ENTR1: variants seen among roughly 807,000 people sequenced by gnomAD.
ENTR1 encodes the protein endosome-associated-trafficking regulator 1.
Under a neutral mutation model 47.9 loss-of-function variants are expected in ENTR1, and 47 were observed. The ratio of observed to expected loss-of-function variants is 0.98; its 90% CI spans 0.78 to 1.25. The LOEUF is 1.25. Among genes scored for constraint, ENTR1 ranks in the 50% most tolerant of loss-of-function variants. The probability of loss-of-function intolerance (pLI) is 0.00; values close to 1 mark genes in which losing one functional copy is unlikely to be tolerated. For missense variants in ENTR1, 668 were observed against 570.5 expected, an observed-to-expected ratio of 1.17 and a Z score of -1.74; for synonymous variants, 290 against 245.8, an observed-to-expected ratio of 1.18 and a Z score of -1.68.
Position 136,405,186 on chromosome 9 carries a change from G to T in ENTR1, c.910C>A (p.Arg304=), listed in dbSNP as rs200655256. ...AQTEMVRTLE[R]KLEAKMIKEE... is the part of the protein sequence containing the mutation. Reference sequence around the variant, plus strand: ...TTGATCATTTTTGCTTCTAACTTCCGCTCAAGCGTCCTCACCCTTGTTAAA... The same window carrying T: ...TTGATCATTTTTGCTTCTAACTTCCTCTCAAGCGTCCTCACCCTTGTTAAA... Residue 304 remains arginine (R), a synonymous_variant, in exon 7 of 10, where the codon CGG becomes AGG. Transcript: ENST00000357365. 1 of 1,613,650 alleles carries T rather than the reference G, an allele frequency of 6.2e-7. No individual in the cohort carries two copies. Among genetic ancestry groups the T allele is most frequent in the African/African-American group, 1.3e-5 (1 of 74,910 alleles).
chr9:136,403,857 G>T (rs1004350135), intron 9 of ENTR1, among the ~76,000 whole-genome samples, 198 bp downstream of exon 9: 1 of 152,158 alleles, frequency 6.6e-6, no homozygotes. Flanking sequence ...ACACTGCGAG[G>T]CAGGTTAGAA....
chr9:136,405,986 G>C lies in ENTR1; in HGVS notation c.820-8C>G, dbSNP rs1834745302. 1 of 1,604,092 alleles carries C rather than the reference G, an allele frequency of 6.2e-7. No homozygotes were observed. Among genetic ancestry groups the C allele is most frequent in the Non-Finnish European group, 8.5e-7 (1 of 1,174,946 alleles). On this transcript the variant is annotated splice_polypyrimidine_tract_variant and splice_region_variant and intron_variant, in intron 5 of 9. Transcript: ENST00000357365. ...AGAATTTTCATCTTTCAGCTGTGGA[G>C]AGAGAACATCCTTATTAGAAAGTCA...
At chr9:136,405,276 G>A (rs1834712456) in intron 6 of ENTR1, 74 bp from the exon 7 acceptor site, 2 of 1,235,722 alleles carry the variant, frequency 1.6e-6, no homozygotes, top group Non-Finnish European at 2.4e-6. Context: ...TACCTCATGA[G>A]CCAGATAAAA....
At chr9:136,403,383 A>G (rs1834596961) in intron 9 of ENTR1, among the ~76,000 whole-genome samples, 1 of 90,348 alleles carries the variant, frequency 1.1e-5, no homozygotes, top group African/African-American at 3.9e-5. Flanking sequence ...GGAGAAAGGG[A>G]CAGGGTCCCA....
At chr9:136,409,339 C>G (rs1328901210) in intron 2 of ENTR1, among the ~76,000 whole-genome samples, 2 of 152,168 alleles carry the variant, frequency 1.3e-5, no homozygotes, top group South Asian at 2.1e-4. Flanking sequence ...TGCCACCACG[C>G]CCGGCTAATT....
Position 136,404,108 on chromosome 9 carries a change from G to A in ENTR1, c.1155C>T (p.Asp385=), listed in dbSNP as rs374149347. The A allele has an allele frequency of 4.5e-5, 72 of 1,613,388 alleles. No individual in the cohort carries two copies. The highest frequency in any genetic ancestry group is 3.4e-4 in the South Asian group (31 of 91,058). ...ASLTVVKQNA[D]VALQNLRVVM... ...CCACCCGGAGGTTCTGCAGGGCCAC[G>A]TCGGCGTTCTGCTTCACCACGGTCA... Residue 385 remains aspartate (D), a synonymous_variant, in exon 9 of 10, where the codon GAC becomes GAT. Coordinates refer to ENST00000357365, the MANE Select transcript of ENTR1 (RefSeq NM_001039707.2).
At position 136,407,898 on chromosome 9, in the gene ENTR1, A is replaced by G; in HGVS notation, c.330T>C (p.Ser110=). 1 of 1,613,094 alleles carries G rather than the reference A, an allele frequency of 6.2e-7. No homozygotes were observed. Among genetic ancestry groups the G allele is most frequent in the Non-Finnish European group, 8.5e-7 (1 of 1,179,106 alleles). ...TCTTGGTCTTCAGAAACTCTCTAAA[A>G]GAGAATGGATTTGCCTCTTCCAGAT... is the stretch of plus-strand genomic sequence containing the variant. ...FEDLEEANPF[S]FREFLKTKNL... Residue 110 remains serine (S), a synonymous_variant, in exon 4 of 10, where the codon TCT becomes TCC. Transcript: ENST00000357365.
intron 9 of ENTR1, 137 bp downstream of exon 9, chr9:136,403,918 G>A (rs1834630881): frequency 9.9e-7 from 1 of 1,013,830 alleles, no homozygotes; most frequent in East Asian, 2.5e-5. Flanking sequence ...GGACCACTGA[G>A]CACGCGTCCC....
intron 5 of ENTR1, chr9:136,406,905 G>T: frequency 2.0e-6 from 1 of 502,734 alleles, no homozygotes; most frequent in African/African-American, 1.9e-5. Context: ...GTACAGCCCT[G>T]TAAGTGCCCA....
intron 2 of ENTR1, chr9:136,409,728 G>A (rs1245850733): frequency 1.1e-5 from 4 of 378,976 alleles, no homozygotes; most frequent in Non-Finnish European, 1.5e-5. Context: ...GTAGAACGAG[G>A]ACGAACCAGA....
At position 136,406,401 on chromosome 9, in the gene ENTR1, G is replaced by A. The variant is rs900515037; in HGVS notation, c.820-423C>T. Among the ~76,000 whole-genome samples the A allele has an allele frequency of 1.2e-4, 18 of 151,884 alleles. No homozygotes were observed. In the East Asian group the frequency reaches 2.1e-3, roughly 18 times the overall value. On this transcript the variant is annotated intron_variant, in intron 5 of 9. Coordinates refer to ENST00000357365, the MANE Select transcript of ENTR1 (RefSeq NM_001039707.2). ...GGAGAATCACTTGAACTCGGGAGGC[G>A]GAGGTTGCAGTGAGCCGAGATCGTG...
At chr9:136,403,298 A>T (rs904348136) in intron 9 of ENTR1, among the ~76,000 whole-genome samples, 8 of 96,670 alleles carry the variant, frequency 8.3e-5, no homozygotes, top group Admixed American at 4.6e-4. Flanking sequence ...AAGGGGTCCC[A>T]GGGAGCAAGG....
In ENTR1 at chr9:136,407,216, C is replaced by A. The variant is rs371939772; in HGVS notation, c.748G>T (p.Ala250Ser). The change falls in exon 5 of 10, where the codon GCA (alanine) becomes TCA (serine). Residue 250 changes from alanine to serine, a missense_variant. Transcript: ENST00000357365. ...SPASPAGSPS[A>S]DFAVHGESLG... ...GACTCTCCATGAACCGCAAAGTCTG[C>A]GCTAGGACTCCCTGCCGGAGAGGCC... 2 of 1,613,038 alleles carry A rather than the reference C, an allele frequency of 1.2e-6. No homozygotes were observed. Among genetic ancestry groups the A allele is most frequent in the African/African-American group, 1.3e-5 (1 of 74,922 alleles).
Position 136,410,020 on chromosome 9 carries a change from C to A in ENTR1, c.220+70G>T, listed in dbSNP as rs767104473. On this transcript the variant is annotated intron_variant, in intron 2 of 9. Coordinates refer to ENST00000357365, the MANE Select transcript of ENTR1 (RefSeq NM_001039707.2). ...TGATGGGTCAATGGACGAGCTCGTG[C>A]TGCAGCGGAGGTGCCACACGTGGCG... The A allele has an allele frequency of 5.1e-6, 8 of 1,561,378 alleles. No individual in the cohort carries two copies. The South Asian group carries it at 8.9e-5, about 17-fold the overall frequency.
chr9:136,405,618 T>A (rs1220728786), intron 6 of ENTR1, among the ~76,000 whole-genome samples: 2 of 152,176 alleles, frequency 1.3e-5, no homozygotes, highest in Admixed American at 1.3e-4. Flanking sequence ...GGCAAACGCC[T>A]GTGGTCCCAG....
At chr9:136,407,119 C>T (rs1164351227) in intron 5 of ENTR1, 26 bp downstream of exon 5, 2 of 1,562,444 alleles carry the variant, frequency 1.3e-6, no homozygotes, top group African/African-American at 2.7e-5. Context: ...GGCGCTGTGC[C>T]AGAGGGCGCC....
rs1360896332 is a variant in ENTR1, at chr9:136,402,034, T to C, written c.*754A>G. On this transcript the variant is annotated 3_prime_UTR_variant, in exon 10 of 10. Coordinates refer to ENST00000357365, the MANE Select transcript of ENTR1 (RefSeq NM_001039707.2). ...TAGTCAAAAAAGCATTTAGTGCTCA[T>C]CGCCGTCCCTCTGAGGGGGGCCGTC... 3 of 152,620 alleles carry C rather than the reference T, an allele frequency of 2.0e-5. No individual in the cohort carries two copies. Among genetic ancestry groups the C allele is most frequent in the Non-Finnish European group, 4.4e-5 (3 of 68,076 alleles). The allele number at this position is 152,620 out of a possible 1,614,324, so 9.5% of individuals were successfully genotyped here.
At chr9:136,410,065 C>T in intron 2 of ENTR1, 25 bp downstream of exon 2, 3 of 1,612,266 alleles carry the variant, frequency 1.9e-6, no homozygotes, top group South Asian at 1.1e-5. Flanking sequence ...GAAGCGTCCC[C>T]GGGGCCGGCG....
chr9:136,407,535 A>C lies in ENTR1; in HGVS notation c.429T>G (p.Leu143=). The part of the protein sequence containing the change: ...AKEASRHSLG[L]DHNSPPSQTG... ...TTTGGGAGGGTGGGGAGTTGTGGTC[A>C]AGTCCCAGGGAATGCCTCGAGGCTT... Residue 143 remains leucine, a synonymous_variant, in exon 5 of 10, where the codon CTT becomes CTG. Coordinates refer to ENST00000357365, the MANE Select transcript of ENTR1 (RefSeq NM_001039707.2). The C allele has an allele frequency of 6.2e-7, 1 of 1,602,300 alleles. No individual in the cohort carries two copies. Among genetic ancestry groups the C allele is most frequent in the African/African-American group, 1.4e-5 (1 of 72,696 alleles).
Sources: allele counts gnomAD v4.1 joint callset (sites outside exome capture counted in the v4.1 genomes callset), GRCh38; gene constraint gnomAD v4.1.1; transcripts MANE v1.5; gene names NCBI Gene and HGNC (gene_info 2026-07-23, HGNC 2026-07-21).